ADAMTS15: variants seen among roughly 807,000 people sequenced by gnomAD.
ADAMTS15 encodes the protein ADAM metallopeptidase with thrombospondin type 1 motif 15, also known as A disintegrin and metalloproteinase with thrombospondin motifs 15.
A neutral mutation model predicts 79.1 loss-of-function variants in ADAMTS15; 35 were observed. The ratio of observed to expected loss-of-function variants is 0.44; its 90% CI spans 0.34 to 0.59. The LOEUF is 0.59. Ranked by LOEUF, ADAMTS15 falls within the 20% of genes least tolerant of loss-of-function variation. The probability of loss-of-function intolerance (pLI) is 0.02; values close to 1 mark genes in which losing one functional copy is unlikely to be tolerated. For synonymous variants in ADAMTS15, 616 were observed against 567.3 expected, an observed-to-expected ratio of 1.09 and a Z score of -1.22; for missense variants, 1,324 against 1,318.7, an observed-to-expected ratio of 1.00 and a Z score of -0.06.
rs755974369 is a variant in ADAMTS15 at position 130,473,029 on chromosome 11, C to T, written c.2079-18C>T. On this transcript the variant is annotated intron_variant, in intron 7 of 7. Coordinates refer to ENST00000299164, the MANE Select transcript of ADAMTS15 (RefSeq NM_139055.4). ...TCCAGGCTTCTATCTGATGCACGGC[C>T]CCCCTTTCCCCCGCCAGGCATGGCT... 4.3e-5 allele frequency: 70 copies of T among 1,611,024 alleles called. No homozygotes were observed. Among genetic ancestry groups the T allele is most frequent in the South Asian group, 5.5e-5 (5 of 90,774 alleles).
At position 130,473,860 on chromosome 11, in the gene ADAMTS15, C is replaced by G; in HGVS notation, c.*39C>G. 6.5e-7 allele frequency: 1 copy of G among 1,544,746 alleles called. No individual in the cohort carries two copies. Among genetic ancestry groups the G allele is most frequent in the Non-Finnish European group, 8.7e-7 (1 of 1,149,862 alleles). On this transcript the variant is annotated 3_prime_UTR_variant, in exon 8 of 8. Transcript: ENST00000299164. ...TTTCTCCCCCTCACTCTCCACCCCA[C>G]TGATATGCCAGCGTTCTGCCAGCTG...
At chr11:130,457,677 G>A (rs1938115292) in intron 1 of ADAMTS15, among the ~76,000 whole-genome samples, 1 of 152,150 alleles carries the variant, frequency 6.6e-6, no homozygotes, top group Non-Finnish European at 1.5e-5. Flanking sequence ...GTTTTTTGGA[G>A]GCAAGCACTT....
chr11:130,472,217 C>T lies in ADAMTS15; in HGVS notation c.2079-830C>T, dbSNP rs1411763970. 2.0e-5 allele frequency among the ~76,000 whole-genome samples: 3 copies of T among 152,222 alleles called. No homozygotes were observed. The highest frequency in any genetic ancestry group is 4.4e-5 in the Non-Finnish European group (3 of 68,028). On this transcript the variant is annotated intron_variant, in intron 7 of 7. Coordinates refer to ENST00000299164, the MANE Select transcript of ADAMTS15 (RefSeq NM_139055.4). The surrounding 1 kb of genome is among the most constrained non-coding windows in gnomAD (Gnocchi z 4.7). The stretch of plus-strand genomic sequence containing the variant: ...AGCCCAGGTGCTGGTGATGGAAAGG[C>T]CTAGATGGCTGTCCTGGAGCCTTGA...
intron 7 of ADAMTS15, among the ~76,000 whole-genome samples, chr11:130,471,982 C>T (rs1938470299): frequency 6.6e-6 from 1 of 152,242 alleles, no homozygotes; most frequent in Admixed American, 6.5e-5. Flanking sequence ...AGCAAGTGGG[C>T]AGCTGGGACT....
intron 5 of ADAMTS15, among the ~76,000 whole-genome samples, chr11:130,470,529 T>C (rs1331346710): frequency 6.6e-6 from 1 of 152,070 alleles, no homozygotes; most frequent in Middle Eastern, 3.2e-3. Context: ...GAATCATATT[T>C]AATGCATTAA....
chr11:130,461,011 TCTTAA>T (rs1396943687), intron 1 of ADAMTS15, among the ~76,000 whole-genome samples: 1 of 152,132 alleles, frequency 6.6e-6, no homozygotes, highest in Non-Finnish European at 1.5e-5. Context: ...TGGCTGAGAA[TCTTAA>T]CTTAATTCAT....
chr11:130,469,504 C>T lies in ADAMTS15; in HGVS notation c.1720+65C>T, dbSNP rs1051437430. 1.1e-5 allele frequency: 14 copies of T among 1,223,256 alleles called. No homozygotes were observed. In the South Asian group the frequency reaches 5.1e-4, roughly 45 times the overall value. The allele number at this position is 1,223,256 out of a possible 1,614,324, so 75.8% of individuals were successfully genotyped here. A position where few individuals can be genotyped will look rare whatever the true frequency, so the allele number is the denominator to read the frequency against. ...GGTGAGGCTGGAGGTCCCCCCACCC[C>T]ACCCCTACTCCATGTAATGCATGGC... is the stretch of plus-strand genomic sequence containing the variant. On this transcript the variant is annotated intron_variant, in intron 5 of 7. Transcript: ENST00000299164.
At chr11:130,470,138 A>ACACG (rs1204985431) in intron 5 of ADAMTS15, among the ~76,000 whole-genome samples, 1 of 66,942 alleles carries the variant, frequency 1.5e-5, no homozygotes, top group African/African-American at 8.2e-5. Context: ...ATATACATAT[A>ACACG]TATATATATA....
chr11:130,448,956 G>T lies in ADAMTS15; in HGVS notation c.-18G>T, dbSNP rs754532614. ...GCCCAGCCCCTTCCCACAGCGCGGC[G>T]GTGCGCTGCCCGGCGCCATGCTTCT... is the stretch of plus-strand genomic sequence containing the variant. On this transcript the variant is annotated 5_prime_UTR_variant, in exon 1 of 8. Transcript: ENST00000299164. The T allele has an allele frequency of 6.7e-7, 1 of 1,482,288 alleles. No homozygotes were observed. The highest frequency in any genetic ancestry group is 8.9e-7 in the Non-Finnish European group (1 of 1,117,860). 91.8% of individuals were successfully genotyped at this position (1,482,288 alleles called of 1,614,324 possible). A position where few individuals can be genotyped will look rare whatever the true frequency, so the allele number is the denominator to read the frequency against.
In ADAMTS15 at chr11:130,448,652, G is replaced by T. The variant is rs1484629645; in HGVS notation, c.-322G>T. Among the ~76,000 whole-genome samples the T allele has an allele frequency of 1.3e-5, 2 of 152,224 alleles. No individual in the cohort carries two copies. The highest frequency in any genetic ancestry group is 6.5e-5 in the Admixed American group (1 of 15,292). The stretch of plus-strand genomic sequence containing the variant: ...CCCAGCGCCTGGCTTGCTGCGCTGC[G>T]AGTGGCTGCGGTTGCGAGAAGCCGC... On this transcript the variant is annotated 5_prime_UTR_variant, in exon 1 of 8. Coordinates refer to ENST00000299164, the MANE Select transcript of ADAMTS15 (RefSeq NM_139055.4).
chr11:130,451,411 G>A (rs1937958141), intron 1 of ADAMTS15, among the ~76,000 whole-genome samples: 1 of 152,194 alleles, frequency 6.6e-6, no homozygotes, highest in Non-Finnish European at 1.5e-5. Flanking sequence ...TCTCTAGGGA[G>A]GTCTTTGGCC....
chr11:130,471,752 C>T (rs921969674), intron 7 of ADAMTS15, among the ~76,000 whole-genome samples: 1 of 152,142 alleles, frequency 6.6e-6, no homozygotes, highest in Non-Finnish European at 1.5e-5. Context: ...AACTCAATCT[C>T]CAGGTCTCTA....
intron 5 of ADAMTS15, among the ~76,000 whole-genome samples, chr11:130,470,133 C>CGT (rs1565397498): frequency 2.7e-5 from 2 of 74,820 alleles, no homozygotes; most frequent in African/African-American, 1.2e-4. Flanking sequence ...TATATATATA[C>CGT]ATATATATAT....
At position 130,473,037 on chromosome 11, in the gene ADAMTS15, C is replaced by T. The variant is rs747461019; in HGVS notation, c.2079-10C>T. On this transcript the variant is annotated splice_polypyrimidine_tract_variant and intron_variant, in intron 7 of 7. Coordinates refer to ENST00000299164, the MANE Select transcript of ADAMTS15 (RefSeq NM_139055.4). ...TCTATCTGATGCACGGCCCCCCTTT[C>T]CCCCGCCAGGCATGGCTACAATTTC... The T allele has an allele frequency of 6.2e-7, 1 of 1,611,828 alleles. No individual in the cohort carries two copies. Among genetic ancestry groups the T allele is most frequent in the East Asian group, 2.2e-5 (1 of 44,840 alleles).
rs61743323 is a variant in ADAMTS15 at position 130,473,745 on chromosome 11, G to A, written c.2777G>A (p.Arg926Gln). ...CTCAAGTGTGTGGGCCACGGAGGCC[G>A]GCTGCTGGCCCGGGACCAGTGCAAC... ...RSLKCVGHGG[R>Q]LLARDQCNLH... The change falls in exon 8 of 8, where the codon CGG (arginine) becomes CAG (glutamine). Residue 926 changes from arginine to glutamine, a missense_variant. Transcript: ENST00000299164. 127 of 1,599,522 alleles carry A rather than the reference G, an allele frequency of 7.9e-5. 1 individual carries two copies. In the African/African-American group the frequency reaches 1.4e-3, roughly 18 times the overall value.
At chr11:130,468,501 C>T (rs1056401639) in intron 4 of ADAMTS15, among the ~76,000 whole-genome samples, 1 of 151,886 alleles carries the variant, frequency 6.6e-6, no homozygotes, top group Non-Finnish European at 1.5e-5. Flanking sequence ...CGCGGTGGCT[C>T]AAGCCTGTAA....
rs926828344 is a variant in ADAMTS15, at chr11:130,473,833, G to A, written c.*12G>A. ...TGAGGCCGTGCTGAGTGGGGTCATCGCTTTCTCCCCCTCACTCTCCACCCC... is the reference window on the plus strand; with the variant it reads ...TGAGGCCGTGCTGAGTGGGGTCATCACTTTCTCCCCCTCACTCTCCACCCC... On this transcript the variant is annotated 3_prime_UTR_variant, in exon 8 of 8. Transcript: ENST00000299164. 8.2e-6 allele frequency: 13 copies of A among 1,580,700 alleles called. No homozygotes were observed. Among genetic ancestry groups the A allele is most frequent in the Middle Eastern group, 3.6e-4 (2 of 5,554 alleles).
chr11:130,466,377 A>G (rs1221201795), intron 4 of ADAMTS15, among the ~76,000 whole-genome samples: 1 of 152,212 alleles, frequency 6.6e-6, no homozygotes, highest in Non-Finnish European at 1.5e-5. Flanking sequence ...GGACGTGTCC[A>G]TTGGACACCT....
chr11:130,452,947 C>G (rs1186408471), intron 1 of ADAMTS15, among the ~76,000 whole-genome samples: 2 of 150,732 alleles, frequency 1.3e-5, no homozygotes, highest in African/African-American at 4.9e-5. Flanking sequence ...TGCCACTGCA[C>G]TGCAGCCTGG....
Sources: allele counts gnomAD v4.1 joint callset (sites outside exome capture counted in the v4.1 genomes callset), GRCh38; gene constraint gnomAD v4.1.1; non-coding constraint Gnocchi (gnomAD v3.1); transcripts MANE v1.5; gene names NCBI Gene and HGNC (gene_info 2026-07-23, HGNC 2026-07-21).